SULT2B1: variants seen among roughly 807,000 people sequenced by gnomAD.
SULT2B1 encodes the protein sulfotransferase family 2B member 1.
Under a neutral mutation model 33.2 loss-of-function variants are expected in SULT2B1, and 16 were observed. The ratio of observed to expected loss-of-function variants is 0.48; its 90% confidence interval spans 0.33 to 0.73. The LOEUF (loss-of-function observed/expected upper bound fraction) is 0.73. Among genes scored for constraint, SULT2B1 ranks in the 30% least tolerant of loss-of-function variants. SULT2B1 has a pLI of 0.02. For missense variants in SULT2B1, 500 were observed against 506.0 expected (o/e 0.99, Z 0.11); for synonymous variants, 186 against 200.5 (o/e 0.93, Z 0.61).
In SULT2B1 at chr19:48,562,290, A is replaced by T. The variant is rs558323262; in HGVS notation, c.71+9967A>T. Among the ~76,000 whole-genome samples, 5 of 152,206 alleles carry T rather than the reference A, an allele frequency of 3.3e-5. No individual in the cohort carries two copies. In the East Asian group the frequency reaches 5.8e-4, roughly 18 times the overall value. On this transcript the variant is annotated intron_variant, in intron 1 of 6. Transcript: ENST00000201586. The stretch of plus-strand genomic sequence containing the variant: ...GTAATCCCAGCTACTCGGGTGGCTG[A>T]GGCAGAAGAATCACTTGAACCCTGG...
At chr19:48,588,318 T>A (rs1487766686) in intron 3 of SULT2B1, among the ~76,000 whole-genome samples, 4 of 151,334 alleles carry the variant, frequency 2.6e-5, no homozygotes, top group African/African-American at 7.3e-5. Context: ...TTTGAGACCA[T>A]CCTGACCAAC....
intron 1 of SULT2B1, among the ~76,000 whole-genome samples, chr19:48,559,750 AG>A (rs146632343): frequency 0.047 from 7,178 of 152,032 alleles, 583 homozygotes; most frequent in African/African-American, 0.16. Context: ...GCCCTAAGAG[AG>A]GTGTGGCCAG....
chr19:48,554,029 C>T (rs1973061378), intron 1 of SULT2B1, among the ~76,000 whole-genome samples: 2 of 152,078 alleles, frequency 1.3e-5, no homozygotes, highest in South Asian at 2.1e-4. Flanking sequence ...TGAGTGACCT[C>T]GCTAAGTGGG....
chr19:48,594,486 C>T (rs191126434), intron 5 of SULT2B1, among the ~76,000 whole-genome samples: 11 of 152,168 alleles, frequency 7.2e-5, no homozygotes, highest in Non-Finnish European at 1.2e-4. Context: ...TGCTACTCCT[C>T]CCCCTCTTTT....
In SULT2B1 at chr19:48,576,359, C is replaced by CTTTTCTTT; in HGVS notation, c.214+280_214+281insCTTTTTTT. 2.1e-4 allele frequency among the ~76,000 whole-genome samples: 20 copies of CTTTTCTTT among 96,708 alleles called. 1 individual carries two copies. The highest frequency in any genetic ancestry group is 6.5e-4 in the Admixed American group (5 of 7,690). 63.4% of individuals were successfully genotyped at this position (96,708 alleles called of 152,430 possible). A position where few individuals can be genotyped will look rare whatever the true frequency, so the allele number is the denominator to read the frequency against. ...CCTTTCCCCTTTACCCTCTACTTCT[C>CTTTTCTTT]TTTTTTTTTTTTTTTTTTGTAGAGA... is the stretch of plus-strand genomic sequence containing the variant. On this transcript the variant is annotated intron_variant, in intron 2 of 6. Coordinates refer to ENST00000201586, the MANE Select transcript of SULT2B1 (RefSeq NM_177973.2).
intron 1 of SULT2B1, among the ~76,000 whole-genome samples, chr19:48,563,221 A>T (rs1272522055): frequency 6.6e-6 from 1 of 151,034 alleles, no homozygotes; most frequent in African/African-American, 2.4e-5. Flanking sequence ...CCAGCCTCCT[A>T]TCGGATCTTA....
chr19:48,587,588 C>A, intron 3 of SULT2B1, 151 bp downstream of exon 3: 1 of 893,716 alleles, frequency 1.1e-6, no homozygotes, highest in Non-Finnish European at 1.7e-6. Flanking sequence ...GGTCAATATA[C>A]ACACAGAAAT....
chr19:48,576,357 C>CTTTTTTT lies in SULT2B1; in HGVS notation c.214+275_214+276insTTTTTTT, dbSNP rs59055065. 1.8e-3 allele frequency among the ~76,000 whole-genome samples: 205 copies of CTTTTTTT among 114,814 alleles called. 11 individuals carry two copies. The highest frequency in any genetic ancestry group is 2.6e-3 in the Non-Finnish European group (153 of 58,438). 75.3% of individuals were successfully genotyped at this position (114,814 alleles called of 152,430 possible). Reference sequence around the variant, plus strand: ...TCCCTTTCCCCTTTACCCTCTACTTCTCTTTTTTTTTTTTTTTTTTGTAGA... The same window carrying CTTTTTTT: ...TCCCTTTCCCCTTTACCCTCTACTTCTTTTTTTTCTTTTTTTTTTTTTTTTTTGTAGA... On this transcript the variant is annotated intron_variant, in intron 2 of 6. Transcript: ENST00000201586.
chr19:48,598,295 G>C (rs904954423), intron 6 of SULT2B1, among the ~76,000 whole-genome samples: 2 of 152,108 alleles, frequency 1.3e-5, no homozygotes, highest in African/African-American at 4.8e-5. Flanking sequence ...CCCACAATGA[G>C]AAAACTGAGG....
chr19:48,572,689 G>A (rs545514054), intron 1 of SULT2B1, among the ~76,000 whole-genome samples: 3 of 152,232 alleles, frequency 2.0e-5, no homozygotes, highest in Non-Finnish European at 1.5e-5. Context: ...AGGTGCCACA[G>A]GAGGGCTGGG....
intron 1 of SULT2B1, among the ~76,000 whole-genome samples, chr19:48,572,716 C>A (rs147421129): frequency 1.3e-5 from 2 of 151,690 alleles, no homozygotes; most frequent in Non-Finnish European, 2.9e-5. Flanking sequence ...GGAGGGGCAG[C>A]GGAGAAGACC....
At chr19:48,581,558 C>T (rs1011913867) in intron 2 of SULT2B1, among the ~76,000 whole-genome samples, 3 of 142,856 alleles carry the variant, frequency 2.1e-5, no homozygotes, top group Non-Finnish European at 4.5e-5. Flanking sequence ...CCCAGGTTCA[C>T]GCCATTCTCC....
chr19:48,564,146 T>TGA (rs1209199584), intron 1 of SULT2B1, among the ~76,000 whole-genome samples: 8 of 151,500 alleles, frequency 5.3e-5, no homozygotes, highest in Non-Finnish European at 7.4e-5. Flanking sequence ...CTTGGGAGGC[T>TGA]GAGGCAGGGG....
intron 2 of SULT2B1, among the ~76,000 whole-genome samples, chr19:48,576,357 C>CTTTTTTTTTTTT (rs59055065): frequency 8.7e-5 from 10 of 114,842 alleles, no homozygotes; most frequent in Non-Finnish European, 1.2e-4. Context: ...CCCTCTACTT[C>CTTTTTTTTTTTT]TCTTTTTTTT....
chr19:48,563,942 C>T (rs559963674), intron 1 of SULT2B1, among the ~76,000 whole-genome samples: 3 of 134,360 alleles, frequency 2.2e-5, no homozygotes, highest in Non-Finnish European at 3.1e-5. Flanking sequence ...CCAGCCTGGG[C>T]AACAGAGACT....
intron 1 of SULT2B1, among the ~76,000 whole-genome samples, chr19:48,570,481 T>C (rs1260051564): frequency 1.3e-5 from 2 of 151,988 alleles, no homozygotes; most frequent in Middle Eastern, 3.4e-3. Context: ...GCCCGGCCAG[T>C]TCTTTTTCAT....
At chr19:48,589,545 G>A (rs947847127) in intron 3 of SULT2B1, among the ~76,000 whole-genome samples, 1 of 152,152 alleles carries the variant, frequency 6.6e-6, no homozygotes, top group African/African-American at 2.4e-5. Flanking sequence ...CAGAGAGGGG[G>A]GGCTGCAATC....
chr19:48,585,043 C>T, intron 2 of SULT2B1, among the ~76,000 whole-genome samples: 1 of 87,090 alleles, frequency 1.1e-5, no homozygotes. Context: ...AGTGAGACTC[C>T]TTCTCAAAAA....
intron 3 of SULT2B1, among the ~76,000 whole-genome samples, chr19:48,589,910 T>C (rs1162837350): frequency 6.6e-6 from 1 of 152,226 alleles, no homozygotes; most frequent in African/African-American, 2.4e-5. Flanking sequence ...CAGTGAGCCA[T>C]GATTGTGCCA....
Sources: allele counts gnomAD v4.1 joint callset (sites outside exome capture counted in the v4.1 genomes callset), GRCh38; gene constraint gnomAD v4.1.1; transcripts MANE v1.5; gene names NCBI Gene and HGNC (gene_info 2026-07-23, HGNC 2026-07-21).